ACO2: variants seen among roughly 807,000 people sequenced by gnomAD.
ACO2 encodes aconitase 2, also known as aconitate hydratase, mitochondrial.
A neutral mutation model predicts 84.5 loss-of-function variants in ACO2; 31 were observed. The observed-to-expected ratio is 0.37, with a 90% CI of 0.28 to 0.50. ACO2 has a LOEUF of 0.50. Ranked by LOEUF, ACO2 falls within the 20% of genes least tolerant of loss-of-function variation. ACO2 has a pLI of 0.97. For synonymous variants in ACO2, 414 were observed against 412.7 expected (o/e 1.00, Z -0.04); for missense variants, 685 against 1,029.3 (o/e 0.67, Z 4.58).
intron 1 of ACO2, among the ~76,000 whole-genome samples, chr22:41,484,170 C>T (rs1284389640): frequency 6.6e-6 from 1 of 152,032 alleles, no homozygotes; most frequent in Admixed American, 6.5e-5. Flanking sequence ...TTACTCTGAT[C>T]AAAATAGAAA....
In ACO2 at chr22:41,515,413, C is replaced by A. The variant is rs2066468374; in HGVS notation, c.562C>A (p.Leu188Met). ...LENYAYPGVL[L>M]IGTDSHTPNG... Reference sequence around the variant, plus strand: ...AAACTATGCGTACCCTGGTGTTCTTCTGATTGGCACTGACTCCCACACCCC... The same window carrying A: ...AAACTATGCGTACCCTGGTGTTCTTATGATTGGCACTGACTCCCACACCCC... Residue 188 changes from leucine (L) to methionine (M), a missense_variant, in exon 5 of 18, where the codon CTG becomes ATG. By Grantham distance (15) the Leu-to-Met change is conservative (BLOSUM62 2). Coordinates refer to ENST00000216254, the MANE Select transcript of ACO2 (RefSeq NM_001098.3). This position sits in a 1 kb window ranked among gnomAD's most constrained non-coding sequence, Gnocchi z 5.8. The A allele has an allele frequency of 6.2e-7, 1 of 1,613,258 alleles. No homozygotes were observed. Among genetic ancestry groups the A allele is most frequent in the Admixed American group, 1.7e-5 (1 of 59,990 alleles).
At chr22:41,517,267 C>T (rs1450201810) in intron 6 of ACO2, 1 of 457,108 alleles carries the variant, frequency 2.2e-6, no homozygotes, top group African/African-American at 2.0e-5. Context: ...GGGGCTGAAT[C>T]TTCACCTGAG....
intron 1 of ACO2, among the ~76,000 whole-genome samples, chr22:41,473,846 G>A (rs1036152756): frequency 3.3e-5 from 5 of 152,316 alleles, no homozygotes; most frequent in Non-Finnish European, 5.9e-5. Flanking sequence ...TATGAGCTGA[G>A]TGTGTTGAGG....
chr22:41,526,174 C>T (rs946496587), intron 14 of ACO2, 88 bp from the exon 15 acceptor site: 194 of 1,270,772 alleles, frequency 1.5e-4, no homozygotes, highest in Middle Eastern at 2.8e-4. Flanking sequence ...TCCTGGGCCC[C>T]GGGGCCTGCT....
Position 41,526,437 on chromosome 22 carries a change from C to G in ACO2, c.1937C>G (p.Thr646Ser). Residue 646 changes from threonine (T) to serine (S), a missense_variant, in exon 15 of 18, where the codon ACT (threonine) becomes AGT (serine). By Grantham distance (58) the Thr-to-Ser change is moderately conservative. Coordinates refer to ENST00000216254, the MANE Select transcript of ACO2 (RefSeq NM_001098.3). ...VTQEFGPVPD[T>S]ARYYKKHGIR... ...CAGGAGTTTGGCCCCGTCCCTGACA[C>G]TGCCCGCTACTACAAGGTGGGTCAG... 6.2e-7 allele frequency: 1 copy of G among 1,612,900 alleles called. No individual in the cohort carries two copies. The highest frequency in any genetic ancestry group is 1.1e-5 in the South Asian group (1 of 90,994).
intron 6 of ACO2, 133 bp from the exon 7 acceptor site, chr22:41,517,394 T>G: frequency 2.7e-6 from 2 of 739,758 alleles, no homozygotes; most frequent in East Asian, 2.7e-5. Flanking sequence ...GTCGGCCCGC[T>G]GTCACCACAT....
At chr22:41,489,916 C>A (rs2066259771) in intron 1 of ACO2, among the ~76,000 whole-genome samples, 1 of 152,074 alleles carries the variant, frequency 6.6e-6, no homozygotes, top group South Asian at 2.1e-4. Flanking sequence ...TGTCAAATTG[C>A]CGCTAAACAA....
At chr22:41,516,477 T>C (rs1162799414) in intron 6 of ACO2, among the ~76,000 whole-genome samples, 1 of 152,210 alleles carries the variant, frequency 6.6e-6, no homozygotes, top group Non-Finnish European at 1.5e-5. Context: ...GGGAGATTTG[T>C]AACAGTCTAG....
chr22:41,506,257 CT>C (rs796107121), intron 2 of ACO2, among the ~76,000 whole-genome samples: 384 of 141,764 alleles, frequency 2.7e-3, no homozygotes, highest in Middle Eastern at 7.2e-3. Context: ...CTGGCTCATT[CT>C]TTTTTTTTTT....
At chr22:41,527,211 G>A in intron 15 of ACO2, 77 bp from the exon 16 acceptor site, 3 of 1,607,368 alleles carry the variant, frequency 1.9e-6, no homozygotes, top group East Asian at 4.5e-5. Flanking sequence ...AGGTGGGTGA[G>A]GCCAGGCAGG....
chr22:41,527,703 C>A, intron 16 of ACO2, 198 bp from the exon 17 acceptor site: 2 of 885,734 alleles, frequency 2.3e-6, no homozygotes, highest in South Asian at 3.5e-5. Context: ...AGGAAGGCCT[C>A]GCAGACCTCA....
At chr22:41,497,364 C>T (rs756939579) in intron 1 of ACO2, among the ~76,000 whole-genome samples, 5 of 150,906 alleles carry the variant, frequency 3.3e-5, no homozygotes, top group Admixed American at 1.3e-4. Context: ...CCACTGCACC[C>T]GGCCTCTTGC....
chr22:41,470,329 G>A (rs2037929347), intron 1 of ACO2, among the ~76,000 whole-genome samples: 1 of 152,146 alleles, frequency 6.6e-6, no homozygotes. Context: ...GTTATGCGTT[G>A]TACTCTCAGG....
At chr22:41,506,747 C>T (rs929379308) in intron 2 of ACO2, among the ~76,000 whole-genome samples, 5 of 152,132 alleles carry the variant, frequency 3.3e-5, no homozygotes, top group African/African-American at 1.2e-4. Context: ...TGGCCTCAAA[C>T]AATAGGACAG....
intron 1 of ACO2, among the ~76,000 whole-genome samples, chr22:41,492,588 A>G (rs542102385): frequency 6.6e-6 from 1 of 152,328 alleles, no homozygotes; most frequent in East Asian, 1.9e-4. Context: ...AGCCTGACCA[A>G]CATGGTGAAA....
chr22:41,481,870 C>A (rs2038092012), intron 1 of ACO2, among the ~76,000 whole-genome samples: 1 of 152,166 alleles, frequency 6.6e-6, no homozygotes, highest in African/African-American at 2.4e-5. Flanking sequence ...TATATTGTGA[C>A]CAGAATAGAC....
intron 1 of ACO2, 120 bp from the exon 2 acceptor site, chr22:41,499,606 A>G: frequency 9.3e-7 from 1 of 1,071,618 alleles, no homozygotes; most frequent in Non-Finnish European, 1.3e-6. Context: ...CTGAGGCTGC[A>G]GTTACTGAAC....
chr22:41,480,219 A>G (rs1052433596), intron 1 of ACO2, among the ~76,000 whole-genome samples: 1 of 152,118 alleles, frequency 6.6e-6, no homozygotes, highest in African/African-American at 2.4e-5. Flanking sequence ...GCCCACTTAG[A>G]CAGAGTCCAC....
intron 4 of ACO2, among the ~76,000 whole-genome samples, chr22:41,513,940 C>T (rs1315846290): frequency 6.6e-6 from 1 of 151,818 alleles, no homozygotes; most frequent in African/African-American, 2.4e-5. Flanking sequence ...CAAGTGTCTA[C>T]ACCGTGTGGA....
Sources: allele counts gnomAD v4.1 joint callset (sites outside exome capture counted in the v4.1 genomes callset), GRCh38; gene constraint gnomAD v4.1.1; non-coding constraint Gnocchi (gnomAD v3.1); transcripts MANE v1.5; gene names NCBI Gene and HGNC (gene_info 2026-07-23, HGNC 2026-07-21).